The following CNTN3 variants were observed in gnomAD, a reference collection of about 807,000 sequenced individuals.
CNTN3 encodes contactin 3.
A neutral mutation model predicts 119.1 loss-of-function variants in CNTN3; 60 were observed. That is an observed-to-expected ratio of 0.50 (90% CI 0.41 to 0.62). The LOEUF is 0.62. Ranked by LOEUF, CNTN3 falls within the 20% of genes least tolerant of loss-of-function variation. The pLI, the probability that CNTN3 is intolerant of heterozygous loss-of-function variation, is 0.00. For missense variants in CNTN3, 1,101 were observed against 1,242.4 expected (o/e 0.89, Z 1.71); for synonymous variants, 450 against 438.7 (o/e 1.03, Z -0.32).
chr3:74,302,863 G>T, intron 13 of CNTN3, 56 bp from the exon 14 acceptor site: 2 of 1,198,750 alleles, frequency 1.7e-6, no homozygotes, highest in Non-Finnish European at 2.4e-6. Flanking sequence ...ACACAAAGAA[G>T]TTTGAAGTCT....
At chr3:74,462,185 G>T (rs1331499253) in intron 4 of CNTN3, among the ~76,000 whole-genome samples, 2 of 151,988 alleles carry the variant, frequency 1.3e-5, no homozygotes, top group Non-Finnish European at 2.9e-5. Flanking sequence ...CGCCATGATT[G>T]TAAGTTTCCT....
chr3:74,482,905 C>G (rs1037465290), intron 4 of CNTN3, among the ~76,000 whole-genome samples: 8 of 152,098 alleles, frequency 5.3e-5, no homozygotes, highest in Admixed American at 2.6e-4. Context: ...TCTACTGTAG[C>G]TAATAATTTG....
rs142855911 is a variant in CNTN3, at chr3:74,349,565, T to C, written c.1364+12325A>G. Among the ~76,000 whole-genome samples, 165 of 152,358 alleles carry C rather than the reference T, an allele frequency of 1.1e-3. 1 individual carries two copies. The highest frequency in any genetic ancestry group is 2.9e-4 in the Non-Finnish European group (20 of 68,040). ...CAAACTTATTCAAAAGGTAATGATA[T>C]ATGAACTCTTGTACTGCAACTTGAT... On this transcript the variant is annotated intron_variant, in intron 11 of 22. Transcript: ENST00000263665.
At chr3:74,435,369 G>A (rs1701849219) in intron 4 of CNTN3, among the ~76,000 whole-genome samples, 1 of 152,080 alleles carries the variant, frequency 6.6e-6, no homozygotes, top group African/African-American at 2.4e-5. Context: ...TAGAGATGGA[G>A]TTTTACCATG....
At chr3:74,431,628 A>C (rs1701784517) in intron 4 of CNTN3, among the ~76,000 whole-genome samples, 1 of 152,192 alleles carries the variant, frequency 6.6e-6, no homozygotes, top group Admixed American at 6.6e-5. Flanking sequence ...TATGTAGACA[A>C]TTTTATGGGA....
Position 74,444,648 on chromosome 3 carries a change from T to C in CNTN3, c.359-19708A>G, listed in dbSNP as rs116924282. Among the ~76,000 whole-genome samples, 142 of 152,320 alleles carry C rather than the reference T, an allele frequency of 9.3e-4. 2 individuals are homozygous for C. The East Asian group carries it at 0.018, about 19-fold the overall frequency. On this transcript the variant is annotated intron_variant, in intron 4 of 22. Coordinates refer to ENST00000263665, the MANE Select transcript of CNTN3 (RefSeq NM_020872.3). ...CCCCTTTCCCTACCCAAACTGGTAC[T>C]TTAAACTAAATGTGGGATAGCTTTA... is the stretch of plus-strand genomic sequence containing the variant.
intron 1 of CNTN3, among the ~76,000 whole-genome samples, chr3:74,565,894 A>G (rs1202859624): frequency 6.6e-6 from 1 of 152,048 alleles, no homozygotes. Flanking sequence ...GACTGGTAGG[A>G]GGTATTTGAA....
intron 13 of CNTN3, among the ~76,000 whole-genome samples, chr3:74,333,137 C>T (rs1279966625): frequency 1.3e-5 from 2 of 152,230 alleles, no homozygotes; most frequent in East Asian, 3.8e-4. Flanking sequence ...ATTAGAAAAG[C>T]AGTAATTCCA....
intron 5 of CNTN3, among the ~76,000 whole-genome samples, chr3:74,405,912 C>T (rs557998585): frequency 3.3e-5 from 5 of 152,134 alleles, no homozygotes; most frequent in South Asian, 4.1e-4. Context: ...TGACAAGAGC[C>T]ATTTTTGAAT....
intron 13 of CNTN3, among the ~76,000 whole-genome samples, chr3:74,312,238 G>A (rs1007587265): frequency 6.6e-6 from 1 of 151,922 alleles, no homozygotes; most frequent in Non-Finnish European, 1.5e-5. Context: ...CAGATCACGA[G>A]GTCAGGAGAT....
intron 2 of CNTN3, among the ~76,000 whole-genome samples, chr3:74,505,136 G>A (rs1359663239): frequency 1.3e-5 from 2 of 151,962 alleles, no homozygotes; most frequent in African/African-American, 2.4e-5. Context: ...TAATGGATGA[G>A]GGCCCACACT....
At chr3:74,588,572 CA>C (rs1337326235) in intron 1 of CNTN3, among the ~76,000 whole-genome samples, 3 of 152,018 alleles carry the variant, frequency 2.0e-5, no homozygotes, top group Non-Finnish European at 4.4e-5. Context: ...ATCAAGCTAC[CA>C]ATGACTTTCT....
intron 20 of CNTN3, among the ~76,000 whole-genome samples, chr3:74,276,907 G>A (rs1285316373): frequency 6.6e-6 from 1 of 151,998 alleles, no homozygotes; most frequent in Non-Finnish European, 1.5e-5. Context: ...AAGAAGAGAG[G>A]AGAGAAAATC....
chr3:74,393,339 G>A (rs895854157), intron 5 of CNTN3, among the ~76,000 whole-genome samples: 3 of 152,216 alleles, frequency 2.0e-5, no homozygotes, highest in African/African-American at 7.2e-5. Context: ...CCAAACCACA[G>A]TGCAGATCTG....
At chr3:74,527,271 A>T (rs9864180) in intron 1 of CNTN3, among the ~76,000 whole-genome samples, 17,243 of 151,976 alleles carry the variant, frequency 0.11, 1,702 homozygotes, top group African/African-American at 0.27. Flanking sequence ...AAGTTTAAAT[A>T]ATGAGATTGT....
At chr3:74,547,375 C>A (rs772536527) in intron 1 of CNTN3, among the ~76,000 whole-genome samples, 1 of 152,156 alleles carries the variant, frequency 6.6e-6, no homozygotes, top group Non-Finnish European at 1.5e-5. Context: ...TCAGGTAACA[C>A]ACATACACAC....
intron 5 of CNTN3, among the ~76,000 whole-genome samples, chr3:74,392,861 T>G (rs1704950266): frequency 6.6e-6 from 1 of 152,132 alleles, no homozygotes; most frequent in African/African-American, 2.4e-5. Context: ...TGCACCATGT[T>G]AAGTGGACAG....
chr3:74,298,953 C>T (rs1702399215), intron 17 of CNTN3, among the ~76,000 whole-genome samples: 1 of 148,880 alleles, frequency 6.7e-6, no homozygotes, highest in Admixed American at 6.7e-5. Flanking sequence ...ATCCCTGTAA[C>T]TCTAGCACTT....
At chr3:74,393,498 T>C (rs62267261) in intron 5 of CNTN3, among the ~76,000 whole-genome samples, 45,221 of 152,182 alleles carry the variant, frequency 0.3, 7,786 homozygotes, top group Non-Finnish European at 0.38. Flanking sequence ...CCTTTCTTGA[T>C]GATTTGCAGA....
Sources: gnomAD v4.1 joint callset for allele counts (sites outside exome capture counted in the v4.1 genomes callset) on GRCh38, gnomAD v4.1.1 for gene constraint, MANE v1.5 for transcripts, NCBI Gene and HGNC (gene_info 2026-07-23, HGNC 2026-07-21) for gene names.